The following MBD2 variants were observed in gnomAD, a reference collection of about 807,000 sequenced individuals.
The protein encoded by MBD2 is methyl-CpG-binding domain protein 2.
MBD2 carries 9 observed loss-of-function variants against 39.3 expected under a neutral mutation model. The observed-to-expected ratio is 0.23, with a 90% CI of 0.14 to 0.40. The LOEUF is 0.40. MBD2 is among the 10% of genes least tolerant of loss of function. The probability of loss-of-function intolerance (pLI) is 1.00; values close to 1 mark genes in which losing one functional copy is unlikely to be tolerated. For synonymous variants in MBD2, 233 were observed against 211.1 expected (o/e 1.10, Z -0.90); for missense variants, 458 against 532.6 (o/e 0.86, Z 1.38).
rs952172167 is a variant in MBD2, at chr18:54,224,623, C to G, written c.-64G>C. ...ACCGAGCCCTTGGAATCCCGGAGACCCGCCCCGCCCGCAGCGCGGCGCGCG... is the reference window on the plus strand; with the variant it reads ...ACCGAGCCCTTGGAATCCCGGAGACGCGCCCCGCCCGCAGCGCGGCGCGCG... On this transcript the variant is annotated 5_prime_UTR_variant, in exon 1 of 7. Transcript: ENST00000256429. 5.3e-6 allele frequency: 6 copies of G among 1,140,906 alleles called. No individual in the cohort carries two copies. Among genetic ancestry groups the G allele is most frequent in the Non-Finnish European group, 6.6e-6 (6 of 905,932 alleles). The allele number at this position is 1,140,906 out of a possible 1,614,324, so 70.7% of individuals were successfully genotyped here.
intron 2 of MBD2, among the ~76,000 whole-genome samples, chr18:54,194,879 T>A (rs1294814502): frequency 6.6e-6 from 1 of 152,112 alleles, no homozygotes; most frequent in Non-Finnish European, 1.5e-5. Flanking sequence ...TAATTGTACT[T>A]GTGGAAAGAA....
At chr18:54,223,987 CG>C in intron 1 of MBD2, 30 bp downstream of exon 1, 6 of 1,488,348 alleles carry the variant, frequency 4.0e-6, no homozygotes, top group Non-Finnish European at 5.5e-6. Flanking sequence ...GGCCTGACCC[CG>C]CCACCCCCTC....
chr18:54,179,062 C>T (rs8092125), intron 3 of MBD2, among the ~76,000 whole-genome samples: 2,712 of 152,254 alleles, frequency 0.018, 83 homozygotes, highest in African/African-American at 0.062. Flanking sequence ...TGGTGGTGTG[C>T]ACCTGTAGTC....
At chr18:54,205,591 C>CAAA (rs10719481) in intron 1 of MBD2, among the ~76,000 whole-genome samples, 1 of 90,092 alleles carries the variant, frequency 1.1e-5, no homozygotes, top group African/African-American at 4.3e-5. Flanking sequence ...AACTCTATCT[C>CAAA]AAAAAAAAAA....
In MBD2 at chr18:54,192,424, G is replaced by A. The variant is rs897790725; in HGVS notation, c.703-3413C>T. On this transcript the variant is annotated intron_variant, in intron 2 of 6. Coordinates refer to ENST00000256429, the MANE Select transcript of MBD2 (RefSeq NM_003927.5). Reference sequence around the variant, plus strand: ...ATTTTTTTATTTTTAGTAGAGACAGGGTTTCACCATGTTGGCCAGCATGGT... The same window carrying A: ...ATTTTTTTATTTTTAGTAGAGACAGAGTTTCACCATGTTGGCCAGCATGGT... Among the ~76,000 whole-genome samples the A allele has an allele frequency of 3.9e-5, 6 of 152,000 alleles. No individual in the cohort carries two copies. In the East Asian group the frequency reaches 1.2e-3, roughly 29 times the overall value.
chr18:54,204,869 G>T, intron 2 of MBD2, 129 bp downstream of exon 2: 2 of 766,606 alleles, frequency 2.6e-6, no homozygotes, highest in Non-Finnish European at 4.3e-6. Flanking sequence ...CTGGGACAGG[G>T]TGGGCAGGGT....
At chr18:54,212,946 T>C (rs1324597137) in intron 1 of MBD2, among the ~76,000 whole-genome samples, 1 of 151,148 alleles carries the variant, frequency 6.6e-6, no homozygotes, top group African/African-American at 2.4e-5. Flanking sequence ...GTGAGAGGAT[T>C]GCTTGAGCCT....
Position 54,178,820 on chromosome 18 carries a change from T to C in MBD2, c.840+10054A>G, listed in dbSNP as rs1055318973. ...ACTACCAATATCAGAGAAAAGAATATCACAATAGATACTGTAAACATTAAA... is the reference window on the plus strand; with the variant it reads ...ACTACCAATATCAGAGAAAAGAATACCACAATAGATACTGTAAACATTAAA... On this transcript the variant is annotated intron_variant, in intron 3 of 6. Coordinates refer to ENST00000256429, the MANE Select transcript of MBD2 (RefSeq NM_003927.5). Among the ~76,000 whole-genome samples the C allele has an allele frequency of 7.9e-5, 12 of 152,192 alleles. No homozygotes were observed. In the East Asian group the frequency reaches 2.3e-3, roughly 29 times the overall value.
intron 3 of MBD2, among the ~76,000 whole-genome samples, chr18:54,172,230 C>A (rs1185498798): frequency 6.6e-6 from 1 of 152,148 alleles, no homozygotes; most frequent in Admixed American, 6.5e-5. Flanking sequence ...ATCAAATTGT[C>A]ATGAGAAGTA....
intron 3 of MBD2, among the ~76,000 whole-genome samples, chr18:54,172,352 T>C (rs988616269): frequency 6.6e-6 from 1 of 152,142 alleles, no homozygotes; most frequent in African/African-American, 2.4e-5. Context: ...TGTTATTTGG[T>C]GGATAGAAAT....
chr18:54,178,078 G>T (rs906756123), intron 3 of MBD2, among the ~76,000 whole-genome samples: 4 of 152,114 alleles, frequency 2.6e-5, no homozygotes, highest in Middle Eastern at 6.8e-3. Context: ...ATGGCCTCAA[G>T]CAGTCCTCCC....
chr18:54,193,536 C>A (rs2086339675), intron 2 of MBD2, among the ~76,000 whole-genome samples: 1 of 148,688 alleles, frequency 6.7e-6, no homozygotes, highest in South Asian at 2.1e-4. Flanking sequence ...AAAAATAAAT[C>A]TTTCTTATTT....
At chr18:54,161,102 T>C (rs2086094623) in intron 5 of MBD2, among the ~76,000 whole-genome samples, 1 of 152,146 alleles carries the variant, frequency 6.6e-6, no homozygotes, top group African/African-American at 2.4e-5. Context: ...CCCTGAGTAT[T>C]CACTCCATAG....
In MBD2 at chr18:54,152,717, T is replaced by C. The variant is rs1469841913; in HGVS notation, c.*2607A>G. The C allele has an allele frequency of 1.3e-5, 2 of 152,190 alleles. No homozygotes were observed. The highest frequency in any genetic ancestry group is 1.5e-5 in the Non-Finnish European group (1 of 68,034). The allele number at this position is 152,190 out of a possible 1,614,324, so 9.4% of individuals were successfully genotyped here. The stretch of plus-strand genomic sequence containing the variant: ...GATGTAAAACTCACACCTGCAGGGA[T>C]AGCGACAATAGTGTGCTCCAATGTG... On this transcript the variant is annotated 3_prime_UTR_variant, in exon 7 of 7. Coordinates refer to ENST00000256429, the MANE Select transcript of MBD2 (RefSeq NM_003927.5).
intron 1 of MBD2, among the ~76,000 whole-genome samples, chr18:54,221,124 T>A (rs879746839): frequency 3.3e-5 from 5 of 152,224 alleles, no homozygotes; most frequent in Non-Finnish European, 5.9e-5. Context: ...GGCTTACGAC[T>A]TGCCTTAAGA....
intron 2 of MBD2, among the ~76,000 whole-genome samples, chr18:54,192,883 T>C (rs1299027893): frequency 6.6e-6 from 1 of 152,246 alleles, no homozygotes; most frequent in African/African-American, 2.4e-5. Flanking sequence ...ACTTCCATTG[T>C]CTAATGAGAC....
intron 5 of MBD2, 101 bp from the exon 6 acceptor site, chr18:54,160,004 T>A: frequency 7.6e-7 from 1 of 1,313,320 alleles, no homozygotes; most frequent in Non-Finnish European, 1.0e-6. Flanking sequence ...ATTAAATTCC[T>A]AAGAAGAATA....
chr18:54,223,487 T>C (rs2086632027), intron 1 of MBD2, among the ~76,000 whole-genome samples: 1 of 152,158 alleles, frequency 6.6e-6, no homozygotes. Flanking sequence ...CTTAGTACAG[T>C]GTGTCAGTTT....
intron 1 of MBD2, among the ~76,000 whole-genome samples, chr18:54,215,053 A>G (rs1002726463): frequency 6.6e-6 from 1 of 152,090 alleles, no homozygotes; most frequent in African/African-American, 2.4e-5. Flanking sequence ...ACAAGGTAGA[A>G]TTCTTACACT....
Sources: allele counts gnomAD v4.1 joint callset (sites outside exome capture counted in the v4.1 genomes callset), GRCh38; gene constraint gnomAD v4.1.1; transcripts MANE v1.5; gene names NCBI Gene and HGNC (gene_info 2026-07-23, HGNC 2026-07-21).